The following STXBP6 variants were observed in gnomAD, a reference collection of about 807,000 sequenced individuals.
STXBP6 encodes the protein syntaxin binding protein 6.
STXBP6 carries 21 observed loss-of-function variants against 26.9 expected under a neutral mutation model. The ratio of observed to expected loss-of-function variants is 0.78; its 90% CI spans 0.55 to 1.12. The LOEUF (loss-of-function observed/expected upper bound fraction) is 1.12. Among genes scored for constraint, STXBP6 ranks in the 50% most tolerant of loss-of-function variants. The pLI, the probability that STXBP6 is intolerant of heterozygous loss-of-function variation, is 0.00. For synonymous variants in STXBP6, 97 were observed against 92.6 expected, an observed-to-expected ratio of 1.05 and a Z score of -0.27; for missense variants, 232 against 257.9, an observed-to-expected ratio of 0.90 and a Z score of 0.69.
intron 2 of STXBP6, among the ~76,000 whole-genome samples, chr14:24,877,888 C>T (rs1450156008): frequency 6.6e-6 from 1 of 152,172 alleles, no homozygotes; most frequent in Admixed American, 6.5e-5. Flanking sequence ...AAATCTATAT[C>T]TATTTCCTCA....
At chr14:24,966,216 T>C (rs1320979610) in intron 2 of STXBP6, among the ~76,000 whole-genome samples, 1 of 152,082 alleles carries the variant, frequency 6.6e-6, no homozygotes, top group East Asian at 1.9e-4. Flanking sequence ...AATGCATACA[T>C]GAGAGAATGG....
At chr14:24,882,739 T>C (rs2070420606) in intron 2 of STXBP6, among the ~76,000 whole-genome samples, 1 of 152,204 alleles carries the variant, frequency 6.6e-6, no homozygotes, top group Non-Finnish European at 1.5e-5. Flanking sequence ...ATAGAACCCT[T>C]AAATCAGCCT....
intron 2 of STXBP6, among the ~76,000 whole-genome samples, chr14:24,911,702 T>C (rs1465760908): frequency 1.3e-5 from 2 of 152,178 alleles, no homozygotes; most frequent in African/African-American, 4.8e-5. Flanking sequence ...CCTCATTCCA[T>C]TTCTCAGAGT....
At chr14:24,917,557 AAAAG>A (rs2071812341) in intron 2 of STXBP6, among the ~76,000 whole-genome samples, 1 of 152,124 alleles carries the variant, frequency 6.6e-6, no homozygotes, top group African/African-American at 2.4e-5. Context: ...ACCATATGCA[AAAAG>A]AAAGAAGCTG....
Position 24,818,974 on chromosome 14 carries a change from T to G in STXBP6, c.609+63A>C, listed in dbSNP as rs879174800. The G allele has an allele frequency of 4.0e-6, 6 of 1,497,652 alleles. No individual in the cohort carries two copies. The Admixed American group carries it at 1.4e-4, about 35-fold the overall frequency. 92.8% of individuals were successfully genotyped at this position (1,497,652 alleles called of 1,614,324 possible). ...ATCACAGGAAAATACTGAAATAAAG[T>G]TTCTTGGCACTGTAGCTCCCCAACA... is the stretch of plus-strand genomic sequence containing the variant. On this transcript the variant is annotated intron_variant, in intron 5 of 5. Transcript: ENST00000323944.
At chr14:24,841,209 A>C (rs1434237046) in intron 4 of STXBP6, among the ~76,000 whole-genome samples, 1 of 152,160 alleles carries the variant, frequency 6.6e-6, no homozygotes, top group Non-Finnish European at 1.5e-5. Context: ...TTACATCTAT[A>C]TTACAGTCTA....
intron 1 of STXBP6, among the ~76,000 whole-genome samples, chr14:24,990,879 G>A (rs2074453430): frequency 6.6e-6 from 1 of 151,592 alleles, no homozygotes. Flanking sequence ...GAGAGAGGAA[G>A]AGGCAGAGAG....
At chr14:25,000,276 G>T (rs549012501) in intron 1 of STXBP6, among the ~76,000 whole-genome samples, 1 of 151,858 alleles carries the variant, frequency 6.6e-6, no homozygotes, top group African/African-American at 2.4e-5. Flanking sequence ...TGTTAGCCAG[G>T]ATGGTCTCGA....
intron 2 of STXBP6, among the ~76,000 whole-genome samples, chr14:24,960,036 A>G (rs2073477466): frequency 6.6e-6 from 1 of 152,238 alleles, no homozygotes; most frequent in African/African-American, 2.4e-5. Context: ...AGGGGAGCAG[A>G]CAACCCCTGA....
intron 2 of STXBP6, among the ~76,000 whole-genome samples, chr14:24,956,764 C>T (rs1237509971): frequency 2.6e-5 from 4 of 152,142 alleles, no homozygotes; most frequent in African/African-American, 7.2e-5. Context: ...ACACCGACCA[C>T]GCCTTCAACA....
At chr14:24,913,859 C>G (rs923709231) in intron 2 of STXBP6, among the ~76,000 whole-genome samples, 3 of 152,166 alleles carry the variant, frequency 2.0e-5, no homozygotes, top group African/African-American at 7.2e-5. Context: ...GAAATATTGT[C>G]TCTTCTCAAG....
chr14:24,895,099 T>C (rs866058390), intron 2 of STXBP6, among the ~76,000 whole-genome samples: 91 of 152,216 alleles, frequency 6.0e-4, no homozygotes, highest in African/African-American at 2.1e-3. Flanking sequence ...GTCCACGTGT[T>C]AAGCTACTAA....
chr14:24,978,404 T>C (rs1159535214), intron 1 of STXBP6, among the ~76,000 whole-genome samples: 3 of 152,212 alleles, frequency 2.0e-5, no homozygotes, highest in African/African-American at 4.8e-5. Flanking sequence ...GGAGAGAATA[T>C]AGGAAGACAA....
chr14:24,894,889 CTCTTTT>C (rs1377727206), intron 2 of STXBP6, among the ~76,000 whole-genome samples: 2 of 48,924 alleles, frequency 4.1e-5, no homozygotes, highest in African/African-American at 8.6e-5. Flanking sequence ...ATTTCTCTCT[CTCTTTT>C]TTTTTTTTTA....
intron 2 of STXBP6, among the ~76,000 whole-genome samples, chr14:24,867,498 T>C (rs2069765761): frequency 6.6e-6 from 1 of 152,196 alleles, no homozygotes; most frequent in African/African-American, 2.4e-5. Flanking sequence ...GAAAGACCTG[T>C]ACATATGTGG....
At chr14:24,979,241 C>T (rs1446596699) in intron 1 of STXBP6, among the ~76,000 whole-genome samples, 3 of 152,236 alleles carry the variant, frequency 2.0e-5, no homozygotes, top group Non-Finnish European at 4.4e-5. Flanking sequence ...GGCTGTGCCA[C>T]ACAATTATTC....
At chr14:24,858,195 A>G (rs999317759) in intron 2 of STXBP6, among the ~76,000 whole-genome samples, 3 of 152,128 alleles carry the variant, frequency 2.0e-5, no homozygotes, top group African/African-American at 7.2e-5. Flanking sequence ...AGAATTCTGA[A>G]GGGATGAAGT....
chr14:24,871,070 T>A (rs1343498547), intron 2 of STXBP6, among the ~76,000 whole-genome samples: 1 of 152,176 alleles, frequency 6.6e-6, no homozygotes, highest in African/African-American at 2.4e-5. Flanking sequence ...ATGTTTTTTT[T>A]TTTTCTCTAG....
chr14:24,819,506 G>C, intron 4 of STXBP6: 1 of 517,902 alleles, frequency 1.9e-6, no homozygotes. Context: ...GGCCTGTCTG[G>C]ATTTACAACT....
Sources: allele counts gnomAD v4.1 joint callset (sites outside exome capture counted in the v4.1 genomes callset), GRCh38; gene constraint gnomAD v4.1.1; transcripts MANE v1.5; gene names NCBI Gene and HGNC (gene_info 2026-07-23, HGNC 2026-07-21).